ROBO2: variants seen among roughly 807,000 people sequenced by gnomAD.
The protein encoded by ROBO2 is roundabout homolog 2.
ROBO2 carries 53 observed loss-of-function variants against 160.8 expected under a neutral mutation model. The observed-to-expected ratio is 0.33, with a 90% CI of 0.26 to 0.41. ROBO2 has a LOEUF of 0.41. Among genes scored for constraint, ROBO2 ranks in the 10% least tolerant of loss-of-function variants. The pLI is 1.00. For missense variants in ROBO2, 1,577 were observed against 1,722.4 expected, an observed-to-expected ratio of 0.92 and a Z score of 1.49; for synonymous variants, 664 against 611.7, an observed-to-expected ratio of 1.09 and a Z score of -1.26.
intron 2 of ROBO2, among the ~76,000 whole-genome samples, chr3:77,263,286 G>A (rs1272404042): frequency 6.6e-6 from 1 of 152,154 alleles, no homozygotes; most frequent in African/African-American, 2.4e-5. Flanking sequence ...CAGGGAAAAT[G>A]TGCAGGTTTG....
intron 2 of ROBO2, among the ~76,000 whole-genome samples, chr3:75,978,667 A>T (rs1362210696): frequency 6.6e-6 from 1 of 151,602 alleles, no homozygotes; most frequent in African/African-American, 2.4e-5. Context: ...TGAACTCTCA[A>T]CAGTAGTAAA....
intron 2 of ROBO2, among the ~76,000 whole-genome samples, chr3:76,807,426 T>A (rs1011321074): frequency 6.6e-6 from 1 of 152,106 alleles, no homozygotes; most frequent in Non-Finnish European, 1.5e-5. Context: ...ACTCTTCATT[T>A]ATTGGCAGAC....
At chr3:77,515,959 A>G (rs1012281260) in intron 5 of ROBO2, among the ~76,000 whole-genome samples, 1 of 151,586 alleles carries the variant, frequency 6.6e-6, no homozygotes, top group Non-Finnish European at 1.5e-5. Flanking sequence ...ACCAATTTTC[A>G]TGTATTTTCT....
intron 2 of ROBO2, among the ~76,000 whole-genome samples, chr3:76,401,930 A>G (rs1276106731): frequency 6.6e-6 from 1 of 151,560 alleles, no homozygotes; most frequent in African/African-American, 2.4e-5. Flanking sequence ...AGAAATGTTT[A>G]TATAAATTCT....
chr3:77,003,020 G>C (rs1162495678), intron 2 of ROBO2, among the ~76,000 whole-genome samples: 1 of 152,104 alleles, frequency 6.6e-6, no homozygotes, highest in Admixed American at 6.5e-5. Context: ...AAAGGAGAAA[G>C]CAAGCTATCT....
chr3:76,857,807 G>T (rs550805854), intron 2 of ROBO2, among the ~76,000 whole-genome samples: 2 of 152,228 alleles, frequency 1.3e-5, no homozygotes, highest in Non-Finnish European at 2.9e-5. Context: ...AGCATAAAAT[G>T]AGCATTTCTT....
At chr3:77,564,180 C>T (rs890369964) in intron 11 of ROBO2, among the ~76,000 whole-genome samples, 4 of 151,972 alleles carry the variant, frequency 2.6e-5, no homozygotes, top group Middle Eastern at 3.2e-3. Context: ...CATTCTTATG[C>T]GTGGACAGTT....
chr3:76,170,673 A>T (rs922433961), intron 2 of ROBO2, among the ~76,000 whole-genome samples: 1 of 152,210 alleles, frequency 6.6e-6, no homozygotes, highest in African/African-American at 2.4e-5. Context: ...AAATGAGAAT[A>T]GTAATGGTTC....
chr3:77,013,485 A>G (rs894878508), intron 2 of ROBO2, among the ~76,000 whole-genome samples: 1 of 152,164 alleles, frequency 6.6e-6, no homozygotes, highest in Admixed American at 6.5e-5. Flanking sequence ...TGTTGATGAA[A>G]TAATACCTAA....
At chr3:77,373,335 A>G (rs1176075575) in intron 2 of ROBO2, among the ~76,000 whole-genome samples, 1 of 151,788 alleles carries the variant, frequency 6.6e-6, no homozygotes, top group Non-Finnish European at 1.5e-5. Flanking sequence ...ATTTTAAAAA[A>G]TATATCAATG....
intron 2 of ROBO2, among the ~76,000 whole-genome samples, chr3:76,116,876 GCTTTT>G (rs2070493890): frequency 6.6e-6 from 1 of 151,950 alleles, no homozygotes; most frequent in South Asian, 2.1e-4. Flanking sequence ...AAAAGCAGAA[GCTTTT>G]CTTGCAATGT....
chr3:76,517,026 CT>C (rs2081376011), intron 2 of ROBO2, among the ~76,000 whole-genome samples: 1 of 152,096 alleles, frequency 6.6e-6, no homozygotes, highest in Non-Finnish European at 1.5e-5. Context: ...ATGTGTTTAA[CT>C]TTTATCTAGG....
chr3:77,500,331 T>C lies in ROBO2; in HGVS notation c.806+6949T>C, dbSNP rs182157823. Among the ~76,000 whole-genome samples the C allele has an allele frequency of 4.3e-4, 66 of 152,308 alleles. No homozygotes were observed. The East Asian group carries it at 8.5e-3, about 20-fold the overall frequency. On this transcript the variant is annotated intron_variant, in intron 5 of 25. Coordinates refer to ENST00000461745, the Ensembl canonical transcript of ROBO2. ...ACAGAAGCTTAAACAAGTTAGGTTT[T>C]TAAGGCCACATATTAATAAGCATTA...
rs9839905 is a variant in ROBO2, at chr3:77,075,185, C to T, written c.62-22829C>T. Among the ~76,000 whole-genome samples, 332 of 152,210 alleles carry T rather than the reference C, an allele frequency of 2.2e-3. 3 individuals carry two copies. The highest frequency in any genetic ancestry group is 7.6e-3 in the African/African-American group (317 of 41,536). On this transcript the variant is annotated intron_variant, in intron 1 of 25. Transcript: ENST00000461745. ...TTCCATATTAGCATTATAGAACAAC[C>T]GACCAGGTTTTTTGGGACTCATATC...
chr3:77,488,266 G>A (rs1470745043), intron 4 of ROBO2, among the ~76,000 whole-genome samples: 2 of 152,090 alleles, frequency 1.3e-5, no homozygotes, highest in Admixed American at 6.5e-5. Flanking sequence ...TTCAAATCCT[G>A]TTAATCTCAC....
intron 2 of ROBO2, among the ~76,000 whole-genome samples, chr3:76,286,257 G>A (rs1708500073): frequency 6.6e-6 from 1 of 152,084 alleles, no homozygotes; most frequent in African/African-American, 2.4e-5. Context: ...GTTTTTGCTT[G>A]GCAGAGACAG....
At chr3:77,575,317 C>T (rs1431985174) in intron 14 of ROBO2, among the ~76,000 whole-genome samples, 2 of 151,990 alleles carry the variant, frequency 1.3e-5, no homozygotes, top group East Asian at 1.9e-4. Context: ...AGTAGTATCT[C>T]TTTCACTAAA....
intron 2 of ROBO2, among the ~76,000 whole-genome samples, chr3:77,369,016 C>T (rs1406278001): frequency 1.3e-5 from 2 of 152,148 alleles, no homozygotes; most frequent in Admixed American, 6.6e-5. Context: ...ACTCTCACTG[C>T]AAATCCCTTA....
At chr3:77,445,578 A>G (rs2080390278) in intron 2 of ROBO2, among the ~76,000 whole-genome samples, 1 of 152,084 alleles carries the variant, frequency 6.6e-6, no homozygotes, top group South Asian at 2.1e-4. Context: ...ATTATAAATA[A>G]TATTGTAAAA....
Sources: allele counts gnomAD v4.1 joint callset (sites outside exome capture counted in the v4.1 genomes callset), GRCh38; gene constraint gnomAD v4.1.1; transcripts MANE v1.5; gene names NCBI Gene and HGNC (gene_info 2026-07-23, HGNC 2026-07-21).